The following IL1RAPL2 variants were observed in gnomAD, a reference collection of about 807,000 sequenced individuals.
IL1RAPL2 encodes the protein X-linked interleukin-1 receptor accessory protein-like 2.
A neutral mutation model predicts 44.1 loss-of-function variants in IL1RAPL2; 3 were observed. The ratio of observed to expected loss-of-function variants is 0.07; its 90% confidence interval spans 0.03 to 0.18. IL1RAPL2 has a LOEUF of 0.18. IL1RAPL2 is among the 10% of genes least tolerant of loss of function. The pLI is 1.00. For missense variants in IL1RAPL2, 391 were observed against 496.4 expected (o/e 0.79, Z 2.02); for synonymous variants, 181 against 178.8 (o/e 1.01, Z -0.10).
At chrX:104,919,682 C>A (rs1271080167) in intron 2 of IL1RAPL2, among the ~76,000 whole-genome samples, 1 of 81,250 alleles carries the variant, frequency 1.2e-5, no homozygotes, top group African/African-American at 4.4e-5. Flanking sequence ...CAGACATCTG[C>A]AACCACACCC....
At chrX:105,026,036 A>C (rs1365252761) in intron 2 of IL1RAPL2, among the ~76,000 whole-genome samples, 1 of 111,047 alleles carries the variant, frequency 9.0e-6, no homozygotes, top group Non-Finnish European at 1.9e-5. Context: ...AGTTGGGACC[A>C]GGAATCTGCG....
chrX:105,420,952 G>T (rs1258875149), intron 5 of IL1RAPL2, among the ~76,000 whole-genome samples: 1 of 112,046 alleles, frequency 8.9e-6, no homozygotes, highest in East Asian at 2.8e-4. Context: ...CTGGGAATAA[G>T]AATAGTACTG....
intron 2 of IL1RAPL2, among the ~76,000 whole-genome samples, chrX:104,785,735 T>C (rs769666825): frequency 5.7e-4 from 64 of 112,349 alleles, no homozygotes; most frequent in African/African-American, 1.9e-3. Context: ...TGACCTCTTA[T>C]CTCTTTCAAA....
chrX:104,603,083 G>A (rs1228924862), intron 1 of IL1RAPL2, among the ~76,000 whole-genome samples: 1 of 111,510 alleles, frequency 9.0e-6, no homozygotes, highest in Non-Finnish European at 1.9e-5. Context: ...GAGAGCTCTG[G>A]CTGACATCTG....
chrX:104,811,477 A>G (rs1932978374), intron 2 of IL1RAPL2, among the ~76,000 whole-genome samples: 1 of 111,191 alleles, frequency 9.0e-6, no homozygotes. Flanking sequence ...TTGGTCTCTA[A>G]AATGGCAGCA....
Position 104,640,670 on chromosome X carries a change from T to C in IL1RAPL2, c.-19-18225T>C, listed in dbSNP as rs547587515. Among the ~76,000 whole-genome samples the C allele has an allele frequency of 3.2e-3, 360 of 112,397 alleles. 3 individuals carry two copies. Among genetic ancestry groups the C allele is most frequent in the African/African-American group, 0.011 (339 of 30,880 alleles). ...ATAGGGGAGTACTTTTTCCTGAAGA[T>C]GTATCTATGATGCTGGTTGGGGAGG... On this transcript the variant is annotated intron_variant, in intron 1 of 10. Coordinates refer to ENST00000372582, the MANE Select transcript of IL1RAPL2 (RefSeq NM_017416.2).
chrX:105,354,946 C>A (rs1019861158), intron 5 of IL1RAPL2, among the ~76,000 whole-genome samples: 1 of 111,906 alleles, frequency 8.9e-6, no homozygotes, highest in South Asian at 3.7e-4. Context: ...ATTGCTCAAG[C>A]TGGAGGCCTT....
chrX:105,516,370 C>T (rs982455073), intron 6 of IL1RAPL2, among the ~76,000 whole-genome samples: 5 of 112,029 alleles, frequency 4.5e-5, no homozygotes, highest in African/African-American at 9.7e-5. Context: ...TTGCCTTTGA[C>T]AGCAGCCTCA....
intron 5 of IL1RAPL2, among the ~76,000 whole-genome samples, chrX:105,395,874 G>A (rs1054517051): frequency 1.8e-5 from 2 of 111,967 alleles, no homozygotes; most frequent in Non-Finnish European, 3.8e-5. Flanking sequence ...AAATTCTAAA[G>A]TTCAACACCA....
chrX:105,197,497 C>T (rs1285185081), intron 3 of IL1RAPL2, among the ~76,000 whole-genome samples: 2 of 111,671 alleles, frequency 1.8e-5, no homozygotes, highest in African/African-American at 6.5e-5. Flanking sequence ...TGCTACTTCC[C>T]CAGGCCTGCT....
chrX:105,481,532 C>T (rs147151385), intron 5 of IL1RAPL2, among the ~76,000 whole-genome samples: 1 of 112,170 alleles, frequency 8.9e-6, no homozygotes, highest in East Asian at 2.8e-4. Context: ...AACAATGACC[C>T]CAAACTCATC....
At chrX:104,781,074 T>A (rs1203884260) in intron 2 of IL1RAPL2, among the ~76,000 whole-genome samples, 2 of 110,897 alleles carry the variant, frequency 1.8e-5, no homozygotes, top group African/African-American at 3.3e-5. Flanking sequence ...GTTTTATTTT[T>A]TTTTTTGTTA....
intron 1 of IL1RAPL2, among the ~76,000 whole-genome samples, chrX:104,583,898 T>G (rs1323295633): frequency 9.0e-6 from 1 of 111,679 alleles, no homozygotes; most frequent in Non-Finnish European, 1.9e-5. Context: ...AATTAATGGA[T>G]GAGAAAAATC....
At chrX:104,730,636 G>T (rs910238097) in intron 2 of IL1RAPL2, among the ~76,000 whole-genome samples, 11 of 104,660 alleles carry the variant, frequency 1.1e-4, no homozygotes, top group African/African-American at 3.7e-4. Flanking sequence ...TGGACATTTG[G>T]GTTGGTTCCA....
chrX:105,739,039 T>C (rs1464823750), intron 7 of IL1RAPL2, among the ~76,000 whole-genome samples: 1 of 110,991 alleles, frequency 9.0e-6, no homozygotes, highest in Non-Finnish European at 1.9e-5. Flanking sequence ...CACTAATGTA[T>C]GGAGATAGAA....
chrX:104,621,127 C>T (rs1331232766), intron 1 of IL1RAPL2, among the ~76,000 whole-genome samples: 2 of 104,859 alleles, frequency 1.9e-5, no homozygotes, highest in African/African-American at 6.9e-5. Context: ...TATATTACAT[C>T]TCATAATGTA....
chrX:105,164,867 A>G (rs1450816013), intron 2 of IL1RAPL2, among the ~76,000 whole-genome samples: 1 of 112,213 alleles, frequency 8.9e-6, no homozygotes, highest in Non-Finnish European at 1.9e-5. Context: ...TAAACACGTC[A>G]TTTTAAATCA....
chrX:105,335,333 T>G (rs1276518443), intron 5 of IL1RAPL2, among the ~76,000 whole-genome samples: 3 of 111,450 alleles, frequency 2.7e-5, no homozygotes, highest in Non-Finnish European at 5.7e-5. Flanking sequence ...TGCCAACTGA[T>G]GATTAAGTTA....
At position 105,603,960 on chromosome X, in the gene IL1RAPL2, C is replaced by CAAAT. The variant is rs755378798; in HGVS notation, c.773-113405_773-113402dup. On this transcript the variant is annotated intron_variant, in intron 6 of 10. Coordinates refer to ENST00000372582, the MANE Select transcript of IL1RAPL2 (RefSeq NM_017416.2). ...AGAAGGATGTAAAAATGCATTGAAACAAATATAAATAGAAACACAGCATAT... is the reference window on the plus strand; with the variant it reads ...AGAAGGATGTAAAAATGCATTGAAACAAATAAATATAAATAGAAACACAGCATAT... Among the ~76,000 whole-genome samples, 22 of 109,663 alleles carry CAAAT rather than the reference C, an allele frequency of 2.0e-4. No individual in the cohort carries two copies. The South Asian group carries it at 8.5e-3, about 42-fold the overall frequency.
Sources: allele counts gnomAD v4.1 joint callset (sites outside exome capture counted in the v4.1 genomes callset), GRCh38; gene constraint gnomAD v4.1.1; transcripts MANE v1.5; gene names NCBI Gene and HGNC (gene_info 2026-07-23, HGNC 2026-07-21).